The following LDAH variants were observed in gnomAD, a reference collection of about 807,000 sequenced individuals.
LDAH encodes lipid droplet associated hydrolase, also known as lipid droplet-associated hydrolase.
In LDAH, 26 loss-of-function variants were observed where a neutral mutation model predicts 29.6. The observed-to-expected ratio is 0.88, with a 90% CI of 0.64 to 1.22. LDAH has a LOEUF of 1.22. Ranked by LOEUF, LDAH falls within the 50% of genes most tolerant of loss-of-function variation. The pLI is 0.00. For synonymous variants in LDAH, 117 were observed against 133.0 expected, an observed-to-expected ratio of 0.88 and a Z score of 0.83; for missense variants, 344 against 387.3, an observed-to-expected ratio of 0.89 and a Z score of 0.94.
intron 5 of LDAH, among the ~76,000 whole-genome samples, chr2:20,720,634 T>C (rs963846232): frequency 1.3e-5 from 2 of 152,032 alleles, no homozygotes; most frequent in African/African-American, 2.4e-5. Flanking sequence ...AAAATTTGTA[T>C]GGAATCCCAA....
At position 20,684,694 on chromosome 2, in the gene LDAH, T is replaced by C. The variant is rs1374395402; in HGVS notation, c.*2209A>G. 24 of 556,046 alleles carry C rather than the reference T, an allele frequency of 4.3e-5. No homozygotes were observed. Among genetic ancestry groups the C allele is most frequent in the Non-Finnish European group, 7.2e-5 (24 of 332,750 alleles). 34.4% of individuals were successfully genotyped at this position (556,046 alleles called of 1,614,324 possible). ...CACAGAGGGCTTGTGGAGATGCTTA[T>C]GGCTGGGAACAGACTAGGAACAAAC... On this transcript the variant is annotated 3_prime_UTR_variant, in exon 7 of 7. Transcript: ENST00000237822.
intron 5 of LDAH, among the ~76,000 whole-genome samples, chr2:20,718,713 A>G (rs1422174916): frequency 1.3e-5 from 2 of 152,048 alleles, no homozygotes; most frequent in Non-Finnish European, 2.9e-5. Context: ...CAGAACACAC[A>G]TTTTTCTCAT....
At chr2:20,818,857 T>C (rs183565342) in intron 1 of LDAH, among the ~76,000 whole-genome samples, 5 of 152,280 alleles carry the variant, frequency 3.3e-5, no homozygotes, top group African/African-American at 9.6e-5. Context: ...GAGTGTATGT[T>C]ACACCAAGAT....
intron 6 of LDAH, among the ~76,000 whole-genome samples, chr2:20,700,580 C>CTCAGCAGGGATCATT (rs1240846862): frequency 2.0e-5 from 3 of 151,944 alleles, no homozygotes; most frequent in African/African-American, 7.3e-5. Flanking sequence ...GAGTTTGCCA[C>CTCAGCAGGGATCATT]TCAGCAGGGA....
chr2:20,811,861 A>C (rs139785243), intron 1 of LDAH, among the ~76,000 whole-genome samples: 1 of 152,304 alleles, frequency 6.6e-6, no homozygotes, highest in East Asian at 1.9e-4. Flanking sequence ...CTATCAAAAT[A>C]ATCTTGTTTA....
intron 4 of LDAH, among the ~76,000 whole-genome samples, chr2:20,748,537 T>G (rs955133911): frequency 6.6e-6 from 1 of 152,194 alleles, no homozygotes; most frequent in African/African-American, 2.4e-5. Flanking sequence ...ACCACTTCGT[T>G]TTGGGCTCTT....
chr2:20,808,365 A>G (rs1455516260), intron 1 of LDAH, among the ~76,000 whole-genome samples: 1 of 152,176 alleles, frequency 6.6e-6, no homozygotes, highest in Admixed American at 6.5e-5. Flanking sequence ...TAAAAAGTCA[A>G]GAATAACAAG....
At chr2:20,801,657 G>A (rs548288475) in intron 1 of LDAH, among the ~76,000 whole-genome samples, 192 bp from the exon 2 acceptor site, 6 of 152,116 alleles carry the variant, frequency 3.9e-5, no homozygotes, top group African/African-American at 1.2e-4. Context: ...AACAAGCCAC[G>A]AAAGTACTTA....
At chr2:20,794,935 A>G (rs187630363) in intron 2 of LDAH, among the ~76,000 whole-genome samples, 1 of 152,224 alleles carries the variant, frequency 6.6e-6, no homozygotes, top group Non-Finnish European at 1.5e-5. Flanking sequence ...ATACCATTGC[A>G]TACAGTACTT....
At chr2:20,774,211 C>A (rs1009851442) in intron 4 of LDAH, among the ~76,000 whole-genome samples, 1 of 152,176 alleles carries the variant, frequency 6.6e-6, no homozygotes, top group Non-Finnish European at 1.5e-5. Flanking sequence ...CTTTCCTGGG[C>A]ACTTTAAATA....
intron 1 of LDAH, 29 bp from the exon 2 acceptor site, chr2:20,801,494 G>A: frequency 6.3e-7 from 1 of 1,592,670 alleles, no homozygotes. Flanking sequence ...GTAGTATGAA[G>A]AGTCAGTAAA....
chr2:20,701,828 A>G (rs1169789929), intron 5 of LDAH, among the ~76,000 whole-genome samples, 176 bp from the exon 6 acceptor site: 1 of 152,230 alleles, frequency 6.6e-6, no homozygotes, highest in East Asian at 1.9e-4. Context: ...AGTCTCTGGA[A>G]ACAAGAGCAT....
At chr2:20,760,433 T>A (rs1280552284) in intron 4 of LDAH, among the ~76,000 whole-genome samples, 1 of 152,258 alleles carries the variant, frequency 6.6e-6, no homozygotes, top group Non-Finnish European at 1.5e-5. Context: ...GCACAGTTTC[T>A]GCACATCAGG....
chr2:20,807,444 T>C (rs1672146412), intron 1 of LDAH, among the ~76,000 whole-genome samples: 1 of 152,126 alleles, frequency 6.6e-6, no homozygotes, highest in Admixed American at 6.5e-5. Context: ...GCAAAAACTA[T>C]TCAAAATATT....
Position 20,685,759 on chromosome 2 carries a change from C to T in LDAH, c.*1144G>A, listed in dbSNP as rs1316981872. ...AGGGGAGGCAGCAATATTGTCAGCC[C>T]ACTCTAGGCCAGGGAATATGTGTCT... On this transcript the variant is annotated 3_prime_UTR_variant, in exon 7 of 7. Coordinates refer to ENST00000237822, the MANE Select transcript of LDAH (RefSeq NM_021925.4). The T allele has an allele frequency of 3.6e-6, 5 of 1,378,342 alleles. No individual in the cohort carries two copies. The highest frequency in any genetic ancestry group is 2.9e-6 in the Non-Finnish European group (3 of 1,030,982). The allele number at this position is 1,378,342 out of a possible 1,614,324, so 85.4% of individuals were successfully genotyped here. A position where few individuals can be genotyped will look rare whatever the true frequency, so the allele number is the denominator to read the frequency against.
intron 3 of LDAH, among the ~76,000 whole-genome samples, chr2:20,786,457 T>C (rs1232533992): frequency 1.3e-5 from 2 of 152,198 alleles, no homozygotes; most frequent in Non-Finnish European, 2.9e-5. Context: ...CCCAAAGTGC[T>C]GGGATTACAG....
Position 20,684,509 on chromosome 2 carries a change from G to C in LDAH, c.*2394C>G, listed in dbSNP as rs114896908. Reference sequence around the variant, plus strand: ...CCCAGCTCATCCTCCCAAGGTGCTGGGATCACAGGTGTGAGCTACGGCACC... The same window carrying C: ...CCCAGCTCATCCTCCCAAGGTGCTGCGATCACAGGTGTGAGCTACGGCACC... On this transcript the variant is annotated 3_prime_UTR_variant, in exon 7 of 7. Coordinates refer to ENST00000237822, the MANE Select transcript of LDAH (RefSeq NM_021925.4). 2,389 of 163,288 alleles carry C rather than the reference G, an allele frequency of 0.015. 60 individuals are homozygous for C. Among genetic ancestry groups the C allele is most frequent in the African/African-American group, 0.053 (2,249 of 42,070 alleles). 10.1% of individuals were successfully genotyped at this position (163,288 alleles called of 1,614,324 possible).
chr2:20,752,763 C>G (rs1376025011), intron 4 of LDAH, among the ~76,000 whole-genome samples: 1 of 152,222 alleles, frequency 6.6e-6, no homozygotes, highest in East Asian at 1.9e-4. Flanking sequence ...TAAAGATGCC[C>G]TGGCTGCACT....
intron 1 of LDAH, among the ~76,000 whole-genome samples, chr2:20,810,227 A>C (rs1396568111): frequency 6.6e-6 from 1 of 152,176 alleles, no homozygotes; most frequent in Non-Finnish European, 1.5e-5. Context: ...TTGGTGACTG[A>C]TGCTGTTGTC....
Sources: allele counts gnomAD v4.1 joint callset (sites outside exome capture counted in the v4.1 genomes callset), GRCh38; gene constraint gnomAD v4.1.1; transcripts MANE v1.5; gene names NCBI Gene and HGNC (gene_info 2026-07-23, HGNC 2026-07-21).